MTUS2: variants seen among roughly 807,000 people sequenced by gnomAD.
MTUS2 encodes the protein microtubule-associated tumor suppressor candidate 2.
A neutral mutation model predicts 114.1 loss-of-function variants in MTUS2; 40 were observed. That is an observed-to-expected ratio of 0.35 (90% CI 0.27 to 0.46). The LOEUF (loss-of-function observed/expected upper bound fraction) is 0.46. Among genes scored for constraint, MTUS2 ranks in the 20% least tolerant of loss-of-function variants. The pLI, the probability that MTUS2 is intolerant of heterozygous loss-of-function variation, is 1.00. For missense variants in MTUS2, 1,679 were observed against 1,705.4 expected (o/e 0.98, Z 0.27); for synonymous variants, 688 against 672.0 (o/e 1.02, Z -0.37).
At chr13:29,502,732 G>C (rs1426301482) in intron 15 of MTUS2, among the ~76,000 whole-genome samples, 1 of 152,258 alleles carries the variant, frequency 6.6e-6, no homozygotes, top group East Asian at 1.9e-4. Context: ...GCTCTGTCCA[G>C]TGGACAGCCA....
Position 29,399,245 on chromosome 13 carries a change from C to T in MTUS2, c.3117+39772C>T, listed in dbSNP as rs148269697. 8.0e-3 allele frequency among the ~76,000 whole-genome samples: 1,218 copies of T among 152,204 alleles called. 60 individuals carry two copies. The highest frequency in any genetic ancestry group is 0.07 in the Admixed American group (1,068 of 15,282). On this transcript the variant is annotated intron_variant, in intron 8 of 15. Transcript: ENST00000612955. The stretch of plus-strand genomic sequence containing the variant: ...TAGCAGCAAGGACGACCAAAGGACA[C>T]TCTCGTCTCTATCTTGGTTTTGGTG...
At chr13:29,158,857 A>G (rs112559919) in intron 5 of MTUS2, among the ~76,000 whole-genome samples, 1,969 of 152,308 alleles carry the variant, frequency 0.013, 25 homozygotes, top group Non-Finnish European at 0.021. Flanking sequence ...GGATGGAACC[A>G]GGGTCTGGTC....
intron 5 of MTUS2, among the ~76,000 whole-genome samples, chr13:29,231,409 A>G (rs1896319993): frequency 6.6e-6 from 1 of 152,108 alleles, no homozygotes; most frequent in Non-Finnish European, 1.5e-5. Context: ...CAAATTTCTC[A>G]TCACATCACA....
chr13:28,868,721 A>C (rs77608036), intron 2 of MTUS2, among the ~76,000 whole-genome samples: 2,657 of 152,348 alleles, frequency 0.017, 84 homozygotes, highest in African/African-American at 0.061. Context: ...TCATAAAAGA[A>C]AAGACATTTT....
At chr13:29,006,928 C>T (rs1379631795) in intron 2 of MTUS2, among the ~76,000 whole-genome samples, 2 of 152,168 alleles carry the variant, frequency 1.3e-5, no homozygotes, top group African/African-American at 4.8e-5. Context: ...GCCTGCTCAG[C>T]CCCTGGTGAA....
chr13:29,097,964 A>G (rs968524693), intron 4 of MTUS2, among the ~76,000 whole-genome samples: 1 of 152,216 alleles, frequency 6.6e-6, no homozygotes, highest in Non-Finnish European at 1.5e-5. Context: ...CTTATGAGAC[A>G]CTAAGATTAA....
intron 6 of MTUS2, among the ~76,000 whole-genome samples, chr13:29,289,742 G>A (rs1401625090): frequency 6.6e-6 from 1 of 152,086 alleles, no homozygotes; most frequent in Admixed American, 6.5e-5. Context: ...TGGGATTACA[G>A]GCTTGAGCCA....
At chr13:29,456,718 A>G (rs1431460954) in intron 9 of MTUS2, among the ~76,000 whole-genome samples, 1 of 151,822 alleles carries the variant, frequency 6.6e-6, no homozygotes, top group African/African-American at 2.4e-5. Context: ...GTATTAAGTG[A>G]TGAAAGAAAG....
At chr13:29,432,482 C>T (rs1026183769) in intron 8 of MTUS2, among the ~76,000 whole-genome samples, 1 of 152,160 alleles carries the variant, frequency 6.6e-6, no homozygotes, top group Non-Finnish European at 1.5e-5. Flanking sequence ...GACAAGCAAA[C>T]AATAACAAGC....
At chr13:28,951,723 CAGG>C (rs532420173) in intron 2 of MTUS2, among the ~76,000 whole-genome samples, 142 of 152,082 alleles carry the variant, frequency 9.3e-4, no homozygotes, top group African/African-American at 3.3e-3. Context: ...TGCCAGAACC[CAGG>C]AGGTGGAGGT....
chr13:29,048,906 A>G (rs1339224053), intron 4 of MTUS2, among the ~76,000 whole-genome samples: 1 of 152,092 alleles, frequency 6.6e-6, no homozygotes, highest in Non-Finnish European at 1.5e-5. Flanking sequence ...ATGAGCCACC[A>G]TGCTTAGCCC....
chr13:28,843,857 C>T (rs1367597383), intron 2 of MTUS2, among the ~76,000 whole-genome samples: 1 of 152,118 alleles, frequency 6.6e-6, no homozygotes, highest in East Asian at 1.9e-4. Context: ...GTAAGCATGC[C>T]AGTAGGCAAA....
intron 5 of MTUS2, among the ~76,000 whole-genome samples, chr13:29,266,477 T>A (rs1897671053): frequency 6.6e-6 from 1 of 152,138 alleles, no homozygotes; most frequent in African/African-American, 2.4e-5. Context: ...TGGCACCCTC[T>A]CTTGGGGGAA....
intron 5 of MTUS2, among the ~76,000 whole-genome samples, chr13:29,222,124 A>AT (rs1895932680): frequency 6.6e-6 from 1 of 152,040 alleles, no homozygotes; most frequent in Non-Finnish European, 1.5e-5. Context: ...ATTTTATTTG[A>AT]TTTTTTACAG....
chr13:28,981,920 G>A (rs1457206738), intron 2 of MTUS2, among the ~76,000 whole-genome samples: 1 of 152,188 alleles, frequency 6.6e-6, no homozygotes, highest in Non-Finnish European at 1.5e-5. Context: ...GTTTCACCTG[G>A]AGGGAATGGG....
chr13:28,828,429 G>C (rs1177821406), intron 1 of MTUS2, among the ~76,000 whole-genome samples: 1 of 152,144 alleles, frequency 6.6e-6, no homozygotes, highest in Non-Finnish European at 1.5e-5. Context: ...TTAAAGTAAA[G>C]ACAGGCATAG....
At chr13:28,978,434 A>G (rs953081566) in intron 2 of MTUS2, among the ~76,000 whole-genome samples, 1 of 152,228 alleles carries the variant, frequency 6.6e-6, no homozygotes, top group Non-Finnish European at 1.5e-5. Flanking sequence ...GGCATAAACA[A>G]CATCATTTGC....
chr13:29,484,276 T>G (rs1040813526), intron 10 of MTUS2: 57 of 152,312 alleles, frequency 3.7e-4, no homozygotes, highest in African/African-American at 1.3e-3. Context: ...GAGGCCACTT[T>G]GTCCCTCATC....
At chr13:28,933,053 T>C (rs1389566144) in intron 2 of MTUS2, among the ~76,000 whole-genome samples, 2 of 152,118 alleles carry the variant, frequency 1.3e-5, no homozygotes, top group Non-Finnish European at 2.9e-5. Flanking sequence ...AATTTGTTAT[T>C]GTTCTGAGTG....
Sources: allele counts gnomAD v4.1 joint callset (sites outside exome capture counted in the v4.1 genomes callset), GRCh38; gene constraint gnomAD v4.1.1; transcripts MANE v1.5; gene names NCBI Gene and HGNC (gene_info 2026-07-23, HGNC 2026-07-21).